STAB1: variants seen among roughly 807,000 people sequenced by gnomAD.
The protein encoded by STAB1 is stabilin-1.
Under a neutral mutation model 332.4 loss-of-function variants are expected in STAB1, and 250 were observed. The observed-to-expected ratio is 0.75, with a 90% confidence interval of 0.68 to 0.84. The LOEUF (loss-of-function observed/expected upper bound fraction) is 0.84. Ranked by LOEUF, STAB1 falls within the 40% of genes least tolerant of loss-of-function variation. The pLI is 0.00. For missense variants in STAB1, 3,249 were observed against 3,489.7 expected (o/e 0.93, Z 1.74); for synonymous variants, 1,475 against 1,390.4 (o/e 1.06, Z -1.35).
rs1289916971 is a variant in STAB1, at chr3:52,522,426, C to T, written c.6562C>T (p.Pro2188Ser). ...EPPVDRCLGQ[P>S]PPCHSDAMCT... ...ACCTGTGGACCGCTGCTTGGGCCAG[C>T]CACCGCCCTGCCACTCAGATGCCAT... Residue 2188 changes from proline to serine, a missense_variant, in exon 60 of 69, where the codon CCA (proline) becomes TCA (serine). Pro to Ser is a moderately conservative substitution (Grantham distance 74). Transcript: ENST00000321725. 1.9e-6 allele frequency: 3 copies of T among 1,612,984 alleles called. No individual in the cohort carries two copies. The highest frequency in any genetic ancestry group is 2.5e-6 in the Non-Finnish European group (3 of 1,180,020).
chr3:52,509,767 T>G (rs956648290), intron 22 of STAB1, 103 bp from the exon 23 acceptor site: 2 of 1,291,342 alleles, frequency 1.5e-6, no homozygotes, highest in Admixed American at 2.0e-5. Flanking sequence ...AAGTCAAATC[T>G]GTACTGGCTG....
At position 52,508,306 on chromosome 3, in the gene STAB1, G is replaced by C. The variant is rs910114083; in HGVS notation, c.2182G>C (p.Asp728His). ...CTGCTGCAAAGGTTTTTTCGGGCCT[G>C]ACTGCACGCAGTGTCCTGGGGGCTT... ...QGCCKGFFGP[D>H]CTQCPGGFSN... The change falls in exon 21 of 69, where the codon GAC (aspartate) becomes CAC (histidine). Residue 728 changes from aspartate (D) to histidine (H), a missense_variant. Transcript: ENST00000321725. The C allele has an allele frequency of 1.9e-6, 3 of 1,613,538 alleles. No individual in the cohort carries two copies. The African/African-American group carries it at 4.0e-5, about 22-fold the overall frequency.
Position 52,515,524 on chromosome 3 carries a change from C to T in STAB1, c.3948+18C>T. 1 of 1,612,510 alleles carries T rather than the reference C, an allele frequency of 6.2e-7. No homozygotes were observed. Among genetic ancestry groups the T allele is most frequent in the African/African-American group, 1.3e-5 (1 of 75,046 alleles). ...AGATCCAGGTTTGCCCTGAAGCCCC[C>T]ACCCCAAGCCTGTCCAGAGAGAAGG... On this transcript the variant is annotated intron_variant, in intron 37 of 68. Transcript: ENST00000321725.
intron 16 of STAB1, 62 bp from the exon 17 acceptor site, chr3:52,506,108 C>T: frequency 1.3e-6 from 2 of 1,558,028 alleles, no homozygotes; most frequent in Admixed American, 1.8e-5. Flanking sequence ...CTGGGCAGGA[C>T]TGGGCGTGGC....
In STAB1 at chr3:52,507,665, G is replaced by A. The variant is rs758603748; in HGVS notation, c.2042G>A (p.Ser681Asn). Residue 681 changes from serine to asparagine, a missense_variant, in exon 19 of 69, where the codon AGT becomes AAT. By Grantham distance (46) the Ser-to-Asn change is conservative. Transcript: ENST00000321725. ...ALNTSTCPPN[S>N]VKLDIFPKEC... ...AACACCAGCACGTGTCCCCCCAACA[G>A]TGTGAAGCTGGTGAGCACACCTTGG... 2.5e-6 allele frequency: 4 copies of A among 1,613,512 alleles called. No homozygotes were observed. The highest frequency in any genetic ancestry group is 3.4e-6 in the Non-Finnish European group (4 of 1,180,018).
At chr3:52,513,017 C>T in intron 29 of STAB1, 59 bp downstream of exon 29, 1 of 1,580,636 alleles carries the variant, frequency 6.3e-7, no homozygotes, top group Non-Finnish European at 8.6e-7. Context: ...AGTCCCTCCC[C>T]AGCGAGTCCT....
intron 27 of STAB1, 78 bp from the exon 28 acceptor site, chr3:52,512,518 A>G: frequency 6.2e-7 from 1 of 1,612,220 alleles, no homozygotes; most frequent in Non-Finnish European, 8.5e-7. Context: ...GGAAAGGGGC[A>G]CTGCTCAGGA....
rs1320486847 is a variant in STAB1 at position 52,516,590 on chromosome 3, G to A, written c.4286+3G>A. The A allele has an allele frequency of 1.2e-6, 2 of 1,613,016 alleles. No homozygotes were observed. The highest frequency in any genetic ancestry group is 1.3e-5 in the African/African-American group (1 of 75,038). ...AGGAAGTGCGACCCCAATGCCAAGT[G>A]AGTGGGCCCAGCCTGGGGCGGGTGG... On this transcript the variant is annotated splice_donor_region_variant and intron_variant, in intron 40 of 68. Transcript: ENST00000321725.
rs145751447 is a variant in STAB1 at position 52,515,423 on chromosome 3, G to A, written c.3865G>A (p.Asp1289Asn). The change falls in exon 37 of 69, where the codon GAC becomes AAC. Residue 1289 changes from aspartate to asparagine, a missense_variant and splice_region_variant. Physicochemically the swap from Asp to Asn is conservative, Grantham distance 23 (BLOSUM62 1). Transcript: ENST00000321725. ...FRCTQGFQLQ[D>N]TPRKSCVYRS... Reference sequence around the variant, plus strand: ...CCCTCCTGCCTGTCCCCGTTTCCAGGACACACCCAGGAAGAGCTGTGTCTA... The same window carrying A: ...CCCTCCTGCCTGTCCCCGTTTCCAGAACACACCCAGGAAGAGCTGTGTCTA... The A allele has an allele frequency of 4.2e-5, 67 of 1,612,782 alleles. No individual in the cohort carries two copies. In the African/African-American group the frequency reaches 6.5e-4, roughly 16 times the overall value.
chr3:52,509,093 T>A (rs998403418), intron 21 of STAB1, 117 bp from the exon 22 acceptor site: 4 of 880,254 alleles, frequency 4.5e-6, no homozygotes, highest in Admixed American at 3.0e-5. Context: ...CCTTCCAGGA[T>A]GAGCTCTCAC....
chr3:52,514,182 C>T lies in STAB1; in HGVS notation c.3515C>T (p.Ser1172Phe), dbSNP rs756776050. ...ACCATCTTTGTGCCCACCAACCGCT[C>T]CCTGGAGGCCCAGGGCAACAGCAGT... The part of the protein sequence containing the change: ...AYTIFVPTNR[S>F]LEAQGNSSHL... Residue 1172 changes from serine to phenylalanine, a missense_variant, in exon 33 of 69, where the codon TCC (serine) becomes TTC (phenylalanine). Ser to Phe is a radical substitution (Grantham distance 155). Coordinates refer to ENST00000321725, the MANE Select transcript of STAB1 (RefSeq NM_015136.3). 1.3e-5 allele frequency: 21 copies of T among 1,613,214 alleles called. No individual in the cohort carries two copies. The South Asian group carries it at 2.3e-4, about 18-fold the overall frequency.
In STAB1 at chr3:52,502,198, C is replaced by T. The variant is rs751168593; in HGVS notation, c.457C>T (p.Pro153Ser). ...RGSACQECQD[P>S]NRFGPDCQSV... is the part of the protein sequence containing the mutation. ...CTCAGCCTGCCAGGAGTGCCAAGAC[C>T]CCAACCGGTTCGGGCCTGACTGCCA... The change falls in exon 5 of 69, where the codon CCC becomes TCC. Residue 153 changes from proline (P) to serine (S), a missense_variant. Coordinates refer to ENST00000321725, the MANE Select transcript of STAB1 (RefSeq NM_015136.3). The T allele has an allele frequency of 1.2e-6, 2 of 1,613,088 alleles. No individual in the cohort carries two copies. Among genetic ancestry groups the T allele is most frequent in the Non-Finnish European group, 1.7e-6 (2 of 1,180,008 alleles).
intron 2 of STAB1, 23 bp downstream of exon 2, chr3:52,501,325 C>A (rs1708427148): frequency 1.2e-6 from 2 of 1,610,074 alleles, no homozygotes; most frequent in East Asian, 4.5e-5. Flanking sequence ...CCTGTCCTTG[C>A]CTGTGTCCAG....
Position 52,506,274 on chromosome 3 carries a change from G to A in STAB1, c.1830+24G>A, listed in dbSNP as rs374844519. 1.3e-4 allele frequency: 207 copies of A among 1,596,900 alleles called. 3 individuals are homozygous for A. In the Middle Eastern group the frequency reaches 3.8e-3, roughly 29 times the overall value. On this transcript the variant is annotated intron_variant, in intron 17 of 68. Coordinates refer to ENST00000321725, the MANE Select transcript of STAB1 (RefSeq NM_015136.3). ...AGGTGAGGTGCACGGACACCTGGGCGGATGGTGGGGCTGGCGGTGACCAGC... is the reference window on the plus strand; with the variant it reads ...AGGTGAGGTGCACGGACACCTGGGCAGATGGTGGGGCTGGCGGTGACCAGC...
intron 32 of STAB1, 34 bp from the exon 33 acceptor site, chr3:52,514,081 A>T: frequency 6.2e-7 from 1 of 1,609,952 alleles, no homozygotes; most frequent in Non-Finnish European, 8.5e-7. Context: ...CTGACAACTA[A>T]TATGCCCATC....
chr3:52,522,076 A>T lies in STAB1; in HGVS notation c.6311A>T (p.Glu2104Val). Residue 2104 changes from glutamate (E) to valine (V), a missense_variant, in exon 59 of 69, where the codon GAG becomes GTG. Physicochemically the swap from Glu to Val is moderately radical, Grantham distance 121. Transcript: ENST00000321725. ...LCQDGHGGCS[E>V]HANCSQVGTM... ...CAGGACGGGCATGGTGGCTGCAGTGAGCACGCCAACTGTAGCCAGGTAGGA... is the reference window on the plus strand; with the variant it reads ...CAGGACGGGCATGGTGGCTGCAGTGTGCACGCCAACTGTAGCCAGGTAGGA... 6.2e-7 allele frequency: 1 copy of T among 1,613,306 alleles called. No individual in the cohort carries two copies. Among genetic ancestry groups the T allele is most frequent in the Non-Finnish European group, 8.5e-7 (1 of 1,180,004 alleles).
intron 6 of STAB1, 91 bp from the exon 7 acceptor site, chr3:52,502,908 C>A: frequency 1.5e-6 from 2 of 1,309,646 alleles, no homozygotes; most frequent in Non-Finnish European, 2.1e-6. Flanking sequence ...GGCCCTGCTC[C>A]AAGTCACACA....
chr3:52,497,414 T>C (rs970560518), intron 1 of STAB1, among the ~76,000 whole-genome samples: 7 of 144,456 alleles, frequency 4.8e-5, no homozygotes, highest in Admixed American at 1.4e-4. Flanking sequence ...TGCCTTTTTT[T>C]TTTTTTTTTT....
chr3:52,497,007 C>CT lies in STAB1; in HGVS notation c.78+1523dup, dbSNP rs559369790. Reference sequence around the variant, plus strand: ...GGCATCTCTACTGAACATGTTCAGACTTTTTTTCTTTTGAGGTGGAGTCTC... The same window carrying CT: ...GGCATCTCTACTGAACATGTTCAGACTTTTTTTTCTTTTGAGGTGGAGTCTC... On this transcript the variant is annotated intron_variant, in intron 1 of 68. Transcript: ENST00000321725. Among the ~76,000 whole-genome samples the CT allele has an allele frequency of 3.7e-3, 561 of 152,298 alleles. 5 individuals are homozygous for CT. The highest frequency in any genetic ancestry group is 0.025 in the South Asian group (120 of 4,826).
Sources: allele counts gnomAD v4.1 joint callset (sites outside exome capture counted in the v4.1 genomes callset), GRCh38; gene constraint gnomAD v4.1.1; transcripts MANE v1.5; gene names NCBI Gene and HGNC (gene_info 2026-07-23, HGNC 2026-07-21).